Variants in SENP6 observed in about 807,000 individuals in gnomAD.
SENP6 encodes sentrin-specific protease 6.
A neutral mutation model predicts 134.5 loss-of-function variants in SENP6; 41 were observed. That is an observed-to-expected ratio of 0.30 (90% CI 0.24 to 0.40). SENP6 has a LOEUF of 0.40. Among genes scored for constraint, SENP6 ranks in the 10% least tolerant of loss-of-function variants. The pLI, the probability that SENP6 is intolerant of heterozygous loss-of-function variation, is 1.00. For synonymous variants in SENP6, 395 were observed against 429.8 expected, an observed-to-expected ratio of 0.92 and a Z score of 1.00; for missense variants, 1,248 against 1,312.5, an observed-to-expected ratio of 0.95 and a Z score of 0.76.
chr6:75,664,380 A>G (rs1419692165), intron 9 of SENP6, among the ~76,000 whole-genome samples: 6 of 149,012 alleles, frequency 4.0e-5, no homozygotes, highest in Non-Finnish European at 8.8e-5. Context: ...ATCTATATAC[A>G]TGTACACACA....
At chr6:75,707,406 C>G (rs1464567899) in intron 19 of SENP6, among the ~76,000 whole-genome samples, 1 of 130,750 alleles carries the variant, frequency 7.6e-6, no homozygotes, top group Non-Finnish European at 1.6e-5. Context: ...CTCTGTTGCC[C>G]AGGCTGGAAT....
chr6:75,703,276 C>T (rs11754663), intron 19 of SENP6, among the ~76,000 whole-genome samples: 4 of 151,250 alleles, frequency 2.6e-5, no homozygotes, highest in East Asian at 3.9e-4. Context: ...GGCAACATAG[C>T]GAGACCCAAT....
intron 18 of SENP6, 78 bp downstream of exon 18, chr6:75,697,595 G>C: frequency 1.1e-6 from 1 of 930,470 alleles, no homozygotes; most frequent in Non-Finnish European, 1.7e-6. Context: ...AGTATGAGGT[G>C]AAGAATTCAT....
At chr6:75,655,448 TCA>T (rs1771242162) in intron 7 of SENP6, 1 of 152,224 alleles carries the variant, frequency 6.6e-6, no homozygotes, top group Admixed American at 6.5e-5. Context: ...TCATGTTCTT[TCA>T]CAGTTAGTCC....
At chr6:75,622,778 T>G in intron 2 of SENP6, 1 of 1,288,948 alleles carries the variant, frequency 7.8e-7, no homozygotes, top group African/African-American at 1.5e-5. Flanking sequence ...GGGCAACAGC[T>G]CCGTTCATCA....
At chr6:75,704,606 C>T (rs1775263796) in intron 19 of SENP6, among the ~76,000 whole-genome samples, 1 of 152,222 alleles carries the variant, frequency 6.6e-6, no homozygotes, top group Non-Finnish European at 1.5e-5. Context: ...TCCTCTATCT[C>T]AACTGCAAGA....
intron 14 of SENP6, chr6:75,678,334 GAAGT>G: frequency 2.8e-6 from 1 of 353,542 alleles, no homozygotes; most frequent in Non-Finnish European, 5.0e-6. Flanking sequence ...AGTAGAGAGA[GAAGT>G]AAGATACTGG....
At chr6:75,709,090 A>G (rs1775596253) in intron 19 of SENP6, among the ~76,000 whole-genome samples, 1 of 152,126 alleles carries the variant, frequency 6.6e-6, no homozygotes, top group African/African-American at 2.4e-5. Flanking sequence ...CGAAATTTTA[A>G]TTATAAAATT....
intron 7 of SENP6, among the ~76,000 whole-genome samples, chr6:75,649,117 C>T (rs1041548180): frequency 4.1e-4 from 62 of 151,844 alleles, no homozygotes; most frequent in African/African-American, 1.5e-3. Context: ...ACCAGCCTGG[C>T]CAACATGGCA....
Position 75,676,029 on chromosome 6 carries a change from T to C in SENP6, c.1596T>C (p.Asp532=). ...QMNKEDKVWN[D]CKGVNKLTNL... is the part of the protein sequence containing the mutation. Reference sequence around the variant, plus strand: ...ATAAGGAGGATAAAGTTTGGAATGATTGTAAAGGAGTAAATAAATTAACAA... The same window carrying C: ...ATAAGGAGGATAAAGTTTGGAATGACTGTAAAGGAGTAAATAAATTAACAA... Residue 532 remains aspartate (D), a synonymous_variant, in exon 13 of 24, where the codon GAT becomes GAC. Coordinates refer to ENST00000447266, the MANE Select transcript of SENP6 (RefSeq NM_015571.4). 2 of 1,603,594 alleles carry C rather than the reference T, an allele frequency of 1.2e-6. No homozygotes were observed. The highest frequency in any genetic ancestry group is 1.7e-4 in the Middle Eastern group (1 of 5,992).
intron 4 of SENP6, 61 bp downstream of exon 4, chr6:75,633,787 A>G (rs1405937288): frequency 6.8e-7 from 1 of 1,470,242 alleles, no homozygotes; most frequent in Non-Finnish European, 9.1e-7. Flanking sequence ...GACACCAAAA[A>G]CTTAGAAGCT....
chr6:75,660,184 A>G (rs964833924), intron 8 of SENP6, among the ~76,000 whole-genome samples: 16 of 152,158 alleles, frequency 1.1e-4, no homozygotes, highest in African/African-American at 3.9e-4. Flanking sequence ...TTTGTAAATG[A>G]TGTGTGTAGT....
intron 1 of SENP6, among the ~76,000 whole-genome samples, chr6:75,609,028 CT>C (rs1370283451): frequency 2.0e-5 from 3 of 152,174 alleles, no homozygotes; most frequent in Non-Finnish European, 2.9e-5. Context: ...TATGTCTAGA[CT>C]TTCATAAATT....
At chr6:75,681,707 A>G (rs1773478097) in intron 16 of SENP6, among the ~76,000 whole-genome samples, 1 of 152,136 alleles carries the variant, frequency 6.6e-6, no homozygotes, top group Admixed American at 6.6e-5. Flanking sequence ...ACATGATGAC[A>G]ACTCTTGAAA....
At chr6:75,629,223 A>T (rs1162021109) in intron 3 of SENP6, among the ~76,000 whole-genome samples, 1 of 152,204 alleles carries the variant, frequency 6.6e-6, no homozygotes, top group African/African-American at 2.4e-5. Context: ...GTTTTAACCA[A>T]ATACTCTCAG....
chr6:75,641,392 G>A (rs1582742176), intron 6 of SENP6, among the ~76,000 whole-genome samples: 1 of 152,144 alleles, frequency 6.6e-6, no homozygotes, highest in South Asian at 2.1e-4. Context: ...TTGTTTTTAT[G>A]CTTTAATAGA....
At position 75,641,912 on chromosome 6, in the gene SENP6, TA is replaced by T. The variant is rs796948338; in HGVS notation, c.479+1219del. On this transcript the variant is annotated intron_variant, in intron 6 of 23. Coordinates refer to ENST00000447266, the MANE Select transcript of SENP6 (RefSeq NM_015571.4). Reference sequence around the variant, plus strand: ...TTTCCAACCAAACTGTTGAATCAATTAAAAAAAAAAACGAGTCTATAGTGCC... The same window carrying T: ...TTTCCAACCAAACTGTTGAATCAATTAAAAAAAAAACGAGTCTATAGTGCC... Among the ~76,000 whole-genome samples, 206 of 144,388 alleles carry T rather than the reference TA, an allele frequency of 1.4e-3. 1 individual carries two copies. Among genetic ancestry groups the T allele is most frequent in the African/African-American group, 4.1e-3 (161 of 39,486 alleles). 94.7% of individuals were successfully genotyped at this position (144,388 alleles called of 152,430 possible). A position where few individuals can be genotyped will look rare whatever the true frequency, so the allele number is the denominator to read the frequency against.
At chr6:75,703,274 A>G (rs951336380) in intron 19 of SENP6, among the ~76,000 whole-genome samples, 2 of 151,878 alleles carry the variant, frequency 1.3e-5, no homozygotes, top group Non-Finnish European at 2.9e-5. Context: ...TGGGCAACAT[A>G]GCGAGACCCA....
intron 6 of SENP6, chr6:75,647,162 T>A (rs901656737): frequency 6.6e-6 from 1 of 152,296 alleles, no homozygotes; most frequent in Non-Finnish European, 1.5e-5. Context: ...CCTTCTGTGA[T>A]GCGCTTTTAT....
Sources: allele counts gnomAD v4.1 joint callset (sites outside exome capture counted in the v4.1 genomes callset), GRCh38; gene constraint gnomAD v4.1.1; transcripts MANE v1.5; gene names NCBI Gene and HGNC (gene_info 2026-07-23, HGNC 2026-07-21).